MIGA2: variants seen among roughly 807,000 people sequenced by gnomAD.
MIGA2 encodes the protein mitoguardin 2.
MIGA2 carries 36 observed loss-of-function variants against 69.9 expected under a neutral mutation model. The ratio of observed to expected loss-of-function variants is 0.52; its 90% CI spans 0.39 to 0.68. MIGA2 has a LOEUF of 0.68. Ranked by LOEUF, MIGA2 falls within the 30% of genes least tolerant of loss-of-function variation. The probability of loss-of-function intolerance (pLI) is 0.00; values close to 1 mark genes in which losing one functional copy is unlikely to be tolerated. For synonymous variants in MIGA2, 333 were observed against 349.2 expected, an observed-to-expected ratio of 0.95 and a Z score of 0.52; for missense variants, 660 against 787.7, an observed-to-expected ratio of 0.84 and a Z score of 1.94.
chr9:129,051,290 T>G lies in MIGA2; in HGVS notation c.675+1327T>G, dbSNP rs947135251. On this transcript the variant is annotated intron_variant, in intron 6 of 15. Transcript: ENST00000684074. ...TTTATTTATTTATTTATTTATTTTT[T>G]TTTTTGGAGACGGAGTCTCACTCTG... is the stretch of plus-strand genomic sequence containing the variant. 29 of 185,840 alleles carry G rather than the reference T, an allele frequency of 1.6e-4. 1 individual carries two copies. The highest frequency in any genetic ancestry group is 6.0e-4 in the African/African-American group (25 of 41,518). The allele number at this position is 185,840 out of a possible 1,614,324, so 11.5% of individuals were successfully genotyped here.
At chr9:129,057,821 G>A (rs906518349) in intron 6 of MIGA2, among the ~76,000 whole-genome samples, 1 of 151,648 alleles carries the variant, frequency 6.6e-6, no homozygotes, top group African/African-American at 2.4e-5. Context: ...GCCTAGGCTG[G>A]TCTCAAACTT....
chr9:129,063,863 C>G (rs1036507360), intron 11 of MIGA2, among the ~76,000 whole-genome samples: 2 of 152,226 alleles, frequency 1.3e-5, no homozygotes. Context: ...TCCGTCTCTC[C>G]ATGCTGGCAC....
At chr9:129,050,669 T>A (rs1479316373) in intron 6 of MIGA2, among the ~76,000 whole-genome samples, 1 of 151,646 alleles carries the variant, frequency 6.6e-6, no homozygotes, top group Admixed American at 6.6e-5. Flanking sequence ...CCTCCTGGGT[T>A]CAAGTGATTC....
chr9:129,037,119 G>A (rs773751658), intron 1 of MIGA2: 181 of 932,058 alleles, frequency 1.9e-4, no homozygotes, highest in Non-Finnish European at 2.3e-4. Flanking sequence ...TATTGCTGAG[G>A]TCCAACGCGG....
chr9:129,042,820 A>T (rs994508158), intron 3 of MIGA2, among the ~76,000 whole-genome samples: 4 of 151,982 alleles, frequency 2.6e-5, no homozygotes, highest in South Asian at 2.1e-4. Flanking sequence ...CCAGAGAGGG[A>T]TGTTCCCCAG....
rs530280541 is a variant in MIGA2 at position 129,062,039 on chromosome 9, C to CTT, written c.1010+709_1010+710dup. Among the ~76,000 whole-genome samples, 51 of 130,124 alleles carry CTT rather than the reference C, an allele frequency of 3.9e-4. 1 individual carries two copies. The highest frequency in any genetic ancestry group is 1.1e-3 in the African/African-American group (38 of 34,910). 85.4% of individuals were successfully genotyped at this position (130,124 alleles called of 152,430 possible). A position where few individuals can be genotyped will look rare whatever the true frequency, so the allele number is the denominator to read the frequency against. The stretch of plus-strand genomic sequence containing the variant: ...TTATGATAAGAGACTGAGAACTTGA[C>CTT]TTTTTTTTTTTTTTTTTGTATTTTT... On this transcript the variant is annotated intron_variant, in intron 9 of 15. Transcript: ENST00000684074.
Position 129,061,219 on chromosome 9 carries a change from A to C in MIGA2, c.895-12A>C, listed in dbSNP as rs200956473. 1,179 of 1,604,250 alleles carry C rather than the reference A, an allele frequency of 7.3e-4. 2 individuals are homozygous for C. The highest frequency in any genetic ancestry group is 8.8e-4 in the Non-Finnish European group (1,037 of 1,175,358). On this transcript the variant is annotated splice_polypyrimidine_tract_variant and intron_variant, in intron 8 of 15. Coordinates refer to ENST00000684074, the MANE Select transcript of MIGA2 (RefSeq NM_001329990.2). The surrounding 1 kb of genome is among the most constrained non-coding windows in gnomAD (Gnocchi z 5.0). Reference sequence around the variant, plus strand: ...GGGCTTCCCTGGTCTCTTCCTCTGCACCCTCTCCCAGCTCTTTGAGTCCCT... The same window carrying C: ...GGGCTTCCCTGGTCTCTTCCTCTGCCCCCTCTCCCAGCTCTTTGAGTCCCT...
At chr9:129,052,214 C>T (rs1187248863) in intron 6 of MIGA2, among the ~76,000 whole-genome samples, 1 of 152,018 alleles carries the variant, frequency 6.6e-6, no homozygotes, top group African/African-American at 2.4e-5. Flanking sequence ...CAGCCTCCAC[C>T]TCCTGGGTTC....
At chr9:129,039,218 T>G (rs1189678527) in intron 1 of MIGA2, among the ~76,000 whole-genome samples, 1 of 148,512 alleles carries the variant, frequency 6.7e-6, no homozygotes, top group Non-Finnish European at 1.5e-5. Flanking sequence ...TGTGTGTGTG[T>G]GTTTTATTTT....
In MIGA2 at chr9:129,069,928, C is replaced by T; in HGVS notation, c.1538C>T (p.Pro513Leu). The T allele has an allele frequency of 2.5e-6, 4 of 1,611,928 alleles. No homozygotes were observed. The highest frequency in any genetic ancestry group is 3.4e-6 in the Non-Finnish European group (4 of 1,179,172). Reference protein sequence around the residue: ...SPVLAFGFLGPKPQLAEVCAF... With the variant: ...SPVLAFGFLGLKPQLAEVCAF... ...GTCCTAGCCTTCGGCTTCCTTGGACCCAAGCCTCAGCTTGCTGAAGTCTGT... is the reference window on the plus strand; with the variant it reads ...GTCCTAGCCTTCGGCTTCCTTGGACTCAAGCCTCAGCTTGCTGAAGTCTGT... The change falls in exon 15 of 16, where the codon CCC becomes CTC. Residue 513 changes from proline to leucine, a missense_variant. Transcript: ENST00000684074. The surrounding 1 kb of genome is among the most constrained non-coding windows in gnomAD (Gnocchi z 4.9).
chr9:129,059,058 T>G lies in MIGA2; in HGVS notation c.676-96T>G. 8 of 1,063,290 alleles carry G rather than the reference T, an allele frequency of 7.5e-6. No individual in the cohort carries two copies. The highest frequency in any genetic ancestry group is 1.1e-5 in the Non-Finnish European group (8 of 697,624). 65.9% of individuals were successfully genotyped at this position (1,063,290 alleles called of 1,614,324 possible). On this transcript the variant is annotated intron_variant, in intron 6 of 15. Coordinates refer to ENST00000684074, the MANE Select transcript of MIGA2 (RefSeq NM_001329990.2). This position sits in a 1 kb window ranked among gnomAD's most constrained non-coding sequence, Gnocchi z 5.6. Reference sequence around the variant, plus strand: ...GTGCTTAGCTGCTGGGTCCTAGAGCTCCTCCCCTTTCCCCAGGGACCTGGG... The same window carrying G: ...GTGCTTAGCTGCTGGGTCCTAGAGCGCCTCCCCTTTCCCCAGGGACCTGGG...
Position 129,069,053 on chromosome 9 carries a change from G to A in MIGA2, c.1405-23G>A, listed in dbSNP as rs1846520701. ...GGGCTAGGCCCATTTTGACACCCGG[G>A]GGACATCCTATTTTTGATGTAGGCC... On this transcript the variant is annotated intron_variant, in intron 13 of 15. Transcript: ENST00000684074. This position sits in a 1 kb window ranked among gnomAD's most constrained non-coding sequence, Gnocchi z 4.9. The A allele has an allele frequency of 6.2e-7, 1 of 1,613,848 alleles. No homozygotes were observed. Among genetic ancestry groups the A allele is most frequent in the Admixed American group, 1.7e-5 (1 of 60,010 alleles).
At chr9:129,055,890 C>T (rs1327998195) in intron 6 of MIGA2, among the ~76,000 whole-genome samples, 1 of 151,832 alleles carries the variant, frequency 6.6e-6, no homozygotes, top group Non-Finnish European at 1.5e-5. Flanking sequence ...TAGCTCACAC[C>T]TGTAGTCCCA....
In MIGA2 at chr9:129,069,262, C is replaced by T. The variant is rs1846536373; in HGVS notation, c.1458+133C>T. 5 of 1,120,342 alleles carry T rather than the reference C, an allele frequency of 4.5e-6. No individual in the cohort carries two copies. The East Asian group carries it at 7.1e-5, about 16-fold the overall frequency. 69.4% of individuals were successfully genotyped at this position (1,120,342 alleles called of 1,614,324 possible). A position where few individuals can be genotyped will look rare whatever the true frequency, so the allele number is the denominator to read the frequency against. On this transcript the variant is annotated intron_variant, in intron 14 of 15. Coordinates refer to ENST00000684074, the MANE Select transcript of MIGA2 (RefSeq NM_001329990.2). This position sits in a 1 kb window ranked among gnomAD's most constrained non-coding sequence, Gnocchi z 4.9. ...CACAGTCCTGGCCCCCTTGTTCCGC[C>T]GTTACCTCTCCCTGTGCCAGGAGCT...
Position 129,070,558 on chromosome 9 carries a change from C to A in MIGA2, c.*105C>A. ...GAGGGCCGTTGCCCCTGACTTTGCC[C>A]CACCCCCATCATCTGGGAGTCCCCA... On this transcript the variant is annotated 3_prime_UTR_variant, in exon 16 of 16. Transcript: ENST00000684074. 1 of 1,267,488 alleles carries A rather than the reference C, an allele frequency of 7.9e-7. No individual in the cohort carries two copies. The highest frequency in any genetic ancestry group is 1.1e-6 in the Non-Finnish European group (1 of 945,174). The allele number at this position is 1,267,488 out of a possible 1,614,324, so 78.5% of individuals were successfully genotyped here. A position where few individuals can be genotyped will look rare whatever the true frequency, so the allele number is the denominator to read the frequency against.
Position 129,068,705 on chromosome 9 carries a change from G to T in MIGA2, c.1405-371G>T. ...CAACCCAGCACAGGACCCCCAGGAA[G>T]GCAAGCAGTAACGCTCCAGCAGCCG... On this transcript the variant is annotated intron_variant, in intron 13 of 15. Coordinates refer to ENST00000684074, the MANE Select transcript of MIGA2 (RefSeq NM_001329990.2). The surrounding 1 kb of genome is among the most constrained non-coding windows in gnomAD (Gnocchi z 4.1). 2.4e-6 allele frequency: 1 copy of T among 412,636 alleles called. No homozygotes were observed. Among genetic ancestry groups the T allele is most frequent in the Non-Finnish European group, 4.4e-6 (1 of 224,992 alleles). 25.6% of individuals were successfully genotyped at this position (412,636 alleles called of 1,614,324 possible). A position where few individuals can be genotyped will look rare whatever the true frequency, so the allele number is the denominator to read the frequency against.
chr9:129,041,279 C>T (rs1844890212), intron 2 of MIGA2, among the ~76,000 whole-genome samples: 1 of 151,818 alleles, frequency 6.6e-6, no homozygotes, highest in Non-Finnish European at 1.5e-5. Flanking sequence ...TTGCAATGAG[C>T]TGAGATCATG....
chr9:129,049,375 G>T lies in MIGA2; in HGVS notation c.421-6G>T. ...ACTCTTTCTTCTTGCACTGATTGGC[G>T]CCCAGATGATGGCAGTGAACTCATC... On this transcript the variant is annotated splice_region_variant and splice_polypyrimidine_tract_variant and intron_variant, in intron 4 of 15. Transcript: ENST00000684074. The T allele has an allele frequency of 1.9e-6, 3 of 1,612,478 alleles. No individual in the cohort carries two copies. The highest frequency in any genetic ancestry group is 1.7e-6 in the Non-Finnish European group (2 of 1,179,234).
Position 129,049,809 on chromosome 9 carries a change from C to T in MIGA2, c.539-18C>T, listed in dbSNP as rs201743019. On this transcript the variant is annotated intron_variant, in intron 5 of 15. Transcript: ENST00000684074. Reference sequence around the variant, plus strand: ...TGTGGAGGTGCTGACCCACGCTTTTCGCCTCACCTGTGCTCAGGCATGGAG... The same window carrying T: ...TGTGGAGGTGCTGACCCACGCTTTTTGCCTCACCTGTGCTCAGGCATGGAG... The T allele has an allele frequency of 2.2e-3, 3,614 of 1,613,776 alleles. 8 individuals carry two copies. The highest frequency in any genetic ancestry group is 3.4e-3 in the South Asian group (313 of 91,072).
Sources: allele counts gnomAD v4.1 joint callset (sites outside exome capture counted in the v4.1 genomes callset), GRCh38; gene constraint gnomAD v4.1.1; non-coding constraint Gnocchi (gnomAD v3.1); transcripts MANE v1.5; gene names NCBI Gene and HGNC (gene_info 2026-07-23, HGNC 2026-07-21).